KIRREL3: variants seen among roughly 807,000 people sequenced by gnomAD.
KIRREL3 encodes kin of IRRE-like protein 3.
KIRREL3 carries 36 observed loss-of-function variants against 89.7 expected under a neutral mutation model. The ratio of observed to expected loss-of-function variants is 0.40; its 90% confidence interval spans 0.31 to 0.53. KIRREL3 has a LOEUF of 0.53. KIRREL3 is among the 20% of genes least tolerant of loss of function. KIRREL3 has a pLI of 0.49. For missense variants in KIRREL3, 864 were observed against 1,056.6 expected (o/e 0.82, Z 2.53); for synonymous variants, 445 against 441.4 (o/e 1.01, Z -0.10).
Position 126,623,904 on chromosome 11 carries a change from C to A in KIRREL3, c.56-60992G>T, listed in dbSNP as rs1943673902. Among the ~76,000 whole-genome samples, 2 of 152,218 alleles carry A rather than the reference C, an allele frequency of 1.3e-5. No homozygotes were observed. Among genetic ancestry groups the A allele is most frequent in the African/African-American group, 4.8e-5 (2 of 41,532 alleles). On this transcript the variant is annotated intron_variant, in intron 1 of 16. Coordinates refer to ENST00000525144, the MANE Select transcript of KIRREL3 (RefSeq NM_032531.4). The surrounding 1 kb of genome is among the most constrained non-coding windows in gnomAD (Gnocchi z 4.1). Reference sequence around the variant, plus strand: ...CCAGTCCAGAAGGGGCTGGCAGGTACCTCTTTTTATTCATTGAGAAAGTAA... The same window carrying A: ...CCAGTCCAGAAGGGGCTGGCAGGTAACTCTTTTTATTCATTGAGAAAGTAA...
chr11:126,649,173 C>T (rs1944811768), intron 1 of KIRREL3, among the ~76,000 whole-genome samples: 1 of 152,184 alleles, frequency 6.6e-6, no homozygotes, highest in South Asian at 2.1e-4. Context: ...AAATTATCTC[C>T]TATTGGGTCC....
In KIRREL3 at chr11:126,427,168, G is replaced by C. The variant is rs1460742609; in HGVS notation, c.1807-1444C>G. On this transcript the variant is annotated intron_variant, in intron 15 of 16. Coordinates refer to ENST00000525144, the MANE Select transcript of KIRREL3 (RefSeq NM_032531.4). The surrounding 1 kb of genome is among the most constrained non-coding windows in gnomAD (Gnocchi z 5.3). ...TGGGATGAAGGACACACATGATTAA[G>C]CTTAAGTATAGAGACGTCATCCCTT... Among the ~76,000 whole-genome samples, 1 of 152,324 alleles carries C rather than the reference G, an allele frequency of 6.6e-6. No homozygotes were observed. The highest frequency in any genetic ancestry group is 1.9e-4 in the East Asian group (1 of 5,186).
Position 126,652,236 on chromosome 11 carries a change from A to C in KIRREL3, c.56-89324T>G, listed in dbSNP as rs1944934278. Among the ~76,000 whole-genome samples the C allele has an allele frequency of 6.6e-6, 1 of 151,354 alleles. No individual in the cohort carries two copies. Among genetic ancestry groups the C allele is most frequent in the Admixed American group, 6.6e-5 (1 of 15,164 alleles). On this transcript the variant is annotated intron_variant, in intron 1 of 16. Transcript: ENST00000525144. This position sits in a 1 kb window ranked among gnomAD's most constrained non-coding sequence, Gnocchi z 4.9. ...GAGTTCCGGTGTCTGTTAACCCCCC[A>C]CCCCTTGTTCTTTGTGTGAAACCAG...
In KIRREL3 at chr11:126,430,876, G is replaced by T; in HGVS notation, c.1696+543C>A. On this transcript the variant is annotated intron_variant, in intron 14 of 16. Coordinates refer to ENST00000525144, the MANE Select transcript of KIRREL3 (RefSeq NM_032531.4). The surrounding 1 kb of genome is among the most constrained non-coding windows in gnomAD (Gnocchi z 6.6). ...CAATCTCTCACACGTTATCTCCTCG[G>T]TGCACGCAATTCTTCAAGCGTGCAC... 1.6e-6 allele frequency: 1 copy of T among 644,132 alleles called. No homozygotes were observed. Among genetic ancestry groups the T allele is most frequent in the Non-Finnish European group, 1.9e-6 (1 of 514,438 alleles). 39.9% of individuals were successfully genotyped at this position (644,132 alleles called of 1,614,324 possible).
chr11:126,872,204 T>C lies in KIRREL3; in HGVS notation c.55+128251A>G, dbSNP rs78358708. Among the ~76,000 whole-genome samples, 3,416 of 152,330 alleles carry C rather than the reference T, an allele frequency of 0.022. 49 individuals carry two copies. The highest frequency in any genetic ancestry group is 0.032 in the South Asian group (154 of 4,824). On this transcript the variant is annotated intron_variant, in intron 1 of 16. Transcript: ENST00000525144. The surrounding 1 kb of genome is among the most constrained non-coding windows in gnomAD (Gnocchi z 4.2). ...ACATAAAAAGATACTTCTAGTAGTGTCATGACACTTTACAAATGCCACATC... is the reference window on the plus strand; with the variant it reads ...ACATAAAAAGATACTTCTAGTAGTGCCATGACACTTTACAAATGCCACATC...
rs1948273500 is a variant in KIRREL3 at position 126,723,859 on chromosome 11, C to G, written c.56-160947G>C. Reference sequence around the variant, plus strand: ...AACGAGCAACAAAATACTCAAAATACTTTAAATGAAGGTAAAAACCATCAT... The same window carrying G: ...AACGAGCAACAAAATACTCAAAATAGTTTAAATGAAGGTAAAAACCATCAT... On this transcript the variant is annotated intron_variant, in intron 1 of 16. Transcript: ENST00000525144. This position sits in a 1 kb window ranked among gnomAD's most constrained non-coding sequence, Gnocchi z 4.0. Among the ~76,000 whole-genome samples the G allele has an allele frequency of 6.6e-6, 1 of 152,134 alleles. No individual in the cohort carries two copies. The highest frequency in any genetic ancestry group is 1.5e-5 in the Non-Finnish European group (1 of 68,028).
intron 1 of KIRREL3, among the ~76,000 whole-genome samples, chr11:126,801,589 C>G (rs1393622199): frequency 1.3e-5 from 2 of 152,178 alleles, no homozygotes; most frequent in East Asian, 3.8e-4. Context: ...GCCCTGGGTT[C>G]AAATCCTTGC....
intron 1 of KIRREL3, among the ~76,000 whole-genome samples, chr11:126,845,881 C>A (rs1292362521): frequency 6.6e-6 from 1 of 152,150 alleles, no homozygotes; most frequent in African/African-American, 2.4e-5. Flanking sequence ...GATATTCAGG[C>A]TCCAACGGCC....
rs1944387997 is a variant in KIRREL3, at chr11:126,639,455, T to C, written c.56-76543A>G. Among the ~76,000 whole-genome samples, 1 of 152,190 alleles carries C rather than the reference T, an allele frequency of 6.6e-6. No individual in the cohort carries two copies. Among genetic ancestry groups the C allele is most frequent in the African/African-American group, 2.4e-5 (1 of 41,454 alleles). On this transcript the variant is annotated intron_variant, in intron 1 of 16. Coordinates refer to ENST00000525144, the MANE Select transcript of KIRREL3 (RefSeq NM_032531.4). This position sits in a 1 kb window ranked among gnomAD's most constrained non-coding sequence, Gnocchi z 4.3. The stretch of plus-strand genomic sequence containing the variant: ...TAATGGAACCCAATCCCTTAAGCCT[T>C]TAAAAGTAACCTCTACTGAGCTCAA...
intron 1 of KIRREL3, among the ~76,000 whole-genome samples, chr11:126,662,608 C>T (rs1945456515): frequency 6.6e-6 from 1 of 152,166 alleles, no homozygotes; most frequent in Admixed American, 6.5e-5. Flanking sequence ...GCATTAATCC[C>T]ATTAATGAGG....
chr11:126,996,251 C>A lies in KIRREL3; in HGVS notation c.55+4204G>T, dbSNP rs947457622. Reference sequence around the variant, plus strand: ...CTGATTCTTCTTCCTCTAGACAAGACGTCATCCCACATGGGGTTCTGGTAG... The same window carrying A: ...CTGATTCTTCTTCCTCTAGACAAGAAGTCATCCCACATGGGGTTCTGGTAG... On this transcript the variant is annotated intron_variant, in intron 1 of 16. Coordinates refer to ENST00000525144, the MANE Select transcript of KIRREL3 (RefSeq NM_032531.4). The surrounding 1 kb of genome is among the most constrained non-coding windows in gnomAD (Gnocchi z 4.7). Among the ~76,000 whole-genome samples the A allele has an allele frequency of 6.6e-6, 1 of 152,218 alleles. No individual in the cohort carries two copies. The highest frequency in any genetic ancestry group is 1.5e-5 in the Non-Finnish European group (1 of 68,048).
At position 126,623,316 on chromosome 11, in the gene KIRREL3, G is replaced by T. The variant is rs189756618; in HGVS notation, c.56-60404C>A. On this transcript the variant is annotated intron_variant, in intron 1 of 16. Transcript: ENST00000525144. The surrounding 1 kb of genome is among the most constrained non-coding windows in gnomAD (Gnocchi z 4.1). ...CTGGAAACCAGGCCTGTCCTTGGTG[G>T]TGTATGAGCAGGCCCCTGGGATCGA... Among the ~76,000 whole-genome samples the T allele has an allele frequency of 3.9e-5, 6 of 152,184 alleles. No homozygotes were observed. The highest frequency in any genetic ancestry group is 1.3e-4 in the Admixed American group (2 of 15,282).
intron 1 of KIRREL3, among the ~76,000 whole-genome samples, chr11:126,745,073 G>A (rs535401766): frequency 2.0e-5 from 3 of 152,058 alleles, no homozygotes; most frequent in African/African-American, 4.8e-5. Flanking sequence ...CTCCTTCCAC[G>A]CCAGGTATCA....
rs1247516376 is a variant in KIRREL3, at chr11:126,807,028, C to T, written c.55+193427G>A. Reference sequence around the variant, plus strand: ...GACATGAATTCACTCTTTTTTATGACTGCATAGAATTCCATGGCACATATG... The same window carrying T: ...GACATGAATTCACTCTTTTTTATGATTGCATAGAATTCCATGGCACATATG... On this transcript the variant is annotated intron_variant, in intron 1 of 16. Transcript: ENST00000525144. The surrounding 1 kb of genome is among the most constrained non-coding windows in gnomAD (Gnocchi z 4.3). 6.6e-6 allele frequency among the ~76,000 whole-genome samples: 1 copy of T among 152,166 alleles called. No individual in the cohort carries two copies. Among genetic ancestry groups the T allele is most frequent in the Non-Finnish European group, 1.5e-5 (1 of 68,042 alleles).
chr11:126,472,129 G>A, intron 5 of KIRREL3, among the ~76,000 whole-genome samples: 1 of 152,212 alleles, frequency 6.6e-6, no homozygotes, highest in East Asian at 1.9e-4. Context: ...TATAATGACT[G>A]TCTTCTTTAG....
intron 7 of KIRREL3, 118 bp downstream of exon 7, chr11:126,456,231 G>A (rs1956339523): frequency 1.8e-5 from 12 of 671,814 alleles, no homozygotes; most frequent in South Asian, 1.2e-4. Flanking sequence ...TACTGGACAC[G>A]CGGTGTGGAC....
At chr11:126,711,861 C>A (rs958953032) in intron 1 of KIRREL3, among the ~76,000 whole-genome samples, 2 of 152,200 alleles carry the variant, frequency 1.3e-5, no homozygotes, top group African/African-American at 4.8e-5. Flanking sequence ...GAGCCTGAAG[C>A]ATGGGCGGCG....
chr11:126,659,207 G>A (rs1945285556), intron 1 of KIRREL3, among the ~76,000 whole-genome samples: 1 of 152,150 alleles, frequency 6.6e-6, no homozygotes, highest in Admixed American at 6.5e-5. Context: ...GACATGGTGA[G>A]TTTATTTATT....
At chr11:126,680,346 G>A (rs978638432) in intron 1 of KIRREL3, among the ~76,000 whole-genome samples, 2 of 151,974 alleles carry the variant, frequency 1.3e-5, no homozygotes, top group Non-Finnish European at 2.9e-5. Flanking sequence ...GCAAGGGACC[G>A]CGTACTGATC....
Sources: gnomAD v4.1 joint callset for allele counts (sites outside exome capture counted in the v4.1 genomes callset) on GRCh38, gnomAD v4.1.1 for gene constraint, Gnocchi (gnomAD v3.1) non-coding constraint, MANE v1.5 for transcripts, NCBI Gene and HGNC (gene_info 2026-07-23, HGNC 2026-07-21) for gene names.